Variants in TET2 observed in about 807,000 individuals in gnomAD.
TET2 encodes methylcytosine dioxygenase TET2.
A neutral mutation model predicts 142.9 loss-of-function variants in TET2; 299 were observed. The observed-to-expected ratio is 2.09, with a 90% CI of 1.90 to 2.30. TET2 has a LOEUF of 2.30. Ranked by LOEUF, TET2 falls within the 30% of genes most tolerant of loss-of-function variation. The pLI is 0.00. For synonymous variants in TET2, 819 were observed against 849.0 expected, an observed-to-expected ratio of 0.96 and a Z score of 0.61; for missense variants, 2,418 against 2,378.0, an observed-to-expected ratio of 1.02 and a Z score of -0.35.
chr4:105,175,155 A>C (rs73836033), intron 1 of TET2, among the ~76,000 whole-genome samples: 1 of 152,182 alleles, frequency 6.6e-6, no homozygotes, highest in Non-Finnish European at 1.5e-5. Context: ...TTTACTGAGT[A>C]TATCATGTCT....
chr4:105,271,790 A>G (rs1730977108), intron 9 of TET2, among the ~76,000 whole-genome samples: 1 of 152,246 alleles, frequency 6.6e-6, no homozygotes, highest in Non-Finnish European at 1.5e-5. Flanking sequence ...GTGTAATTGT[A>G]GTAACTAAAG....
chr4:105,190,377 A>G lies in TET2; in HGVS notation c.-175A>G. On this transcript the variant is annotated 5_prime_UTR_variant, in exon 2 of 11. Transcript: ENST00000380013. ...TTCTCTAGGCTGGCAAACATTCAGC[A>G]GCACACCCTCTCAAGATTGTTTACT... is the stretch of plus-strand genomic sequence containing the variant. The G allele has an allele frequency of 1.5e-6, 1 of 679,074 alleles. No individual in the cohort carries two copies. The highest frequency in any genetic ancestry group is 2.7e-6 in the Non-Finnish European group (1 of 376,156). The allele number at this position is 679,074 out of a possible 1,614,324, so 42.1% of individuals were successfully genotyped here. A position where few individuals can be genotyped will look rare whatever the true frequency, so the allele number is the denominator to read the frequency against.
At chr4:105,160,838 G>T (rs1229372753) in intron 1 of TET2, among the ~76,000 whole-genome samples, 2 of 152,144 alleles carry the variant, frequency 1.3e-5, no homozygotes, top group Non-Finnish European at 2.9e-5. Context: ...GTGAAGCGGA[G>T]CGATCTGGGC....
intron 1 of TET2, among the ~76,000 whole-genome samples, chr4:105,161,989 G>T (rs1723883078): frequency 6.6e-6 from 1 of 152,122 alleles, no homozygotes; most frequent in African/African-American, 2.4e-5. Flanking sequence ...GGTAGAAATG[G>T]TTAAATAGAC....
Position 105,276,033 on chromosome 4 carries a change from G to A in TET2, c.5523G>A (p.Glu1841=). 1 of 1,551,718 alleles carries A rather than the reference G, an allele frequency of 6.4e-7. No homozygotes were observed. The highest frequency in any genetic ancestry group is 8.7e-7 in the Non-Finnish European group (1 of 1,146,984). The part of the protein sequence containing the change: ...ALVQGVASGA[E]DNDEVWSDSE... ...TCCAGGGTGTGGCTTCTGGTGCAGA[G>A]GACAACGATGAGGTCTGGTCAGACA... Residue 1841 remains glutamate (E), a synonymous_variant, in exon 11 of 11, where the codon GAG becomes GAA. Coordinates refer to ENST00000380013, the MANE Select transcript of TET2 (RefSeq NM_001127208.3).
At chr4:105,176,182 T>TTACATCATAC (rs1724783474) in intron 1 of TET2, among the ~76,000 whole-genome samples, 1 of 152,010 alleles carries the variant, frequency 6.6e-6, no homozygotes, top group Non-Finnish European at 1.5e-5. Flanking sequence ...AAACCTACAG[T>TTACATCATAC]TTACATCATA....
intron 6 of TET2, among the ~76,000 whole-genome samples, chr4:105,250,699 T>C (rs1045530647): frequency 1.3e-5 from 2 of 152,164 alleles, no homozygotes; most frequent in Admixed American, 6.5e-5. Context: ...TCCTGCACTT[T>C]TTATTTTTTT....
At chr4:105,195,372 A>G (rs145215171) in intron 2 of TET2, among the ~76,000 whole-genome samples, 2 of 152,136 alleles carry the variant, frequency 1.3e-5, no homozygotes, top group African/African-American at 4.8e-5. Context: ...AATAGTATGG[A>G]TTTTCTTAGC....
Position 105,164,847 on chromosome 4 carries a change from C to A in TET2, c.-193+17868C>A, listed in dbSNP as rs1461103082. ...GAAGAGATGAAGGATTACTTCCATC[C>A]CTTTTATTGTTTCAATCAAGATATA... On this transcript the variant is annotated intron_variant, in intron 1 of 10. Transcript: ENST00000380013. Among the ~76,000 whole-genome samples the A allele has an allele frequency of 3.3e-5, 5 of 152,210 alleles. No homozygotes were observed. The South Asian group carries it at 1.0e-3, about 32-fold the overall frequency.
intron 1 of TET2, among the ~76,000 whole-genome samples, chr4:105,185,674 G>T (rs1725390686): frequency 6.6e-6 from 1 of 152,144 alleles, no homozygotes; most frequent in Non-Finnish European, 1.5e-5. Context: ...AGCTACTCAG[G>T]AGGCTGAGGC....
chr4:105,240,395 T>C, intron 3 of TET2: 1 of 1,071,830 alleles, frequency 9.3e-7, no homozygotes, highest in Non-Finnish European at 1.1e-6. Flanking sequence ...ATATTTTTGC[T>C]GATGGATGTA....
At position 105,186,118 on chromosome 4, in the gene TET2, C is replaced by G. The variant is rs542650889; in HGVS notation, c.-192-4242C>G. 2.0e-5 allele frequency among the ~76,000 whole-genome samples: 3 copies of G among 152,014 alleles called. No individual in the cohort carries two copies. The South Asian group carries it at 6.2e-4, about 32-fold the overall frequency. On this transcript the variant is annotated intron_variant, in intron 1 of 10. Transcript: ENST00000380013. ...GGTGGTACATGCCTGTAGTCCTAGCCACTTGGGAGACTGAGATGGAAGGAT... is the reference window on the plus strand; with the variant it reads ...GGTGGTACATGCCTGTAGTCCTAGCGACTTGGGAGACTGAGATGGAAGGAT...
intron 1 of TET2, among the ~76,000 whole-genome samples, chr4:105,147,292 A>G: frequency 6.6e-6 from 1 of 152,168 alleles, no homozygotes; most frequent in East Asian, 1.9e-4. Flanking sequence ...TCCTCAGAAA[A>G]GTGATTTTTA....
At chr4:105,204,111 A>G (rs1278610075) in intron 2 of TET2, among the ~76,000 whole-genome samples, 1 of 151,922 alleles carries the variant, frequency 6.6e-6, no homozygotes, top group African/African-American at 2.4e-5. Flanking sequence ...AGGCAGGAGA[A>G]TCTCTTGAAC....
chr4:105,203,223 TATG>T (rs1340686722), intron 2 of TET2, among the ~76,000 whole-genome samples: 9 of 152,328 alleles, frequency 5.9e-5, no homozygotes, highest in African/African-American at 2.2e-4. Flanking sequence ...AAGAGCACCA[TATG>T]ATTATGCTTT....
At chr4:105,225,283 A>G (rs1357162748) in intron 2 of TET2, among the ~76,000 whole-genome samples, 2 of 152,012 alleles carry the variant, frequency 1.3e-5, no homozygotes, top group East Asian at 1.9e-4. Context: ...TAAACATGCC[A>G]TGTATTTTCC....
chr4:105,154,874 A>C (rs926613480), intron 1 of TET2, among the ~76,000 whole-genome samples: 1 of 152,020 alleles, frequency 6.6e-6, no homozygotes, highest in Non-Finnish European at 1.5e-5. Flanking sequence ...AAAATGCACA[A>C]ATTAGCTGGG....
In TET2 at chr4:105,234,957, A is replaced by G. The variant is rs1160386972; in HGVS notation, c.1015A>G (p.Asn339Asp). 1.2e-6 allele frequency: 2 copies of G among 1,613,850 alleles called. No homozygotes were observed. Among genetic ancestry groups the G allele is most frequent in the Admixed American group, 3.3e-5 (2 of 59,958 alleles). Residue 339 changes from asparagine (N) to aspartate (D), a missense_variant, in exon 3 of 11, where the codon AAC (asparagine) becomes GAC (aspartate). Transcript: ENST00000380013. ...GATATGCCCATCTCCTGCAGAAAAT[A>G]ACATCCAGGGAACCACAAAGCTAGC... ...FEICPSPAENNIQGTTKLASG... is the reference protein window; with the variant it reads ...FEICPSPAENDIQGTTKLASG...
At chr4:105,157,977 A>G (rs1056349182) in intron 1 of TET2, among the ~76,000 whole-genome samples, 7 of 152,202 alleles carry the variant, frequency 4.6e-5, no homozygotes, top group African/African-American at 1.7e-4. Context: ...GGCCTGGCCA[A>G]CTTATTTACT....
Sources: allele counts gnomAD v4.1 joint callset (sites outside exome capture counted in the v4.1 genomes callset), GRCh38; gene constraint gnomAD v4.1.1; transcripts MANE v1.5; gene names NCBI Gene and HGNC (gene_info 2026-07-23, HGNC 2026-07-21).